DNAAF4: variants seen among roughly 807,000 people sequenced by gnomAD.
The protein encoded by DNAAF4 is dynein assembly factor 4, axonemal.
DNAAF4 carries 43 observed loss-of-function variants against 51.8 expected under a neutral mutation model. The ratio of observed to expected loss-of-function variants is 0.83; its 90% CI spans 0.65 to 1.07. DNAAF4 has a LOEUF of 1.07. Among genes scored for constraint, DNAAF4 ranks in the 50% least tolerant of loss-of-function variants. DNAAF4 has a pLI of 0.00. For missense variants in DNAAF4, 581 were observed against 493.0 expected (o/e 1.18, Z -1.69); for synonymous variants, 194 against 165.6 (o/e 1.17, Z -1.32).
At position 55,432,655 on chromosome 15, in the gene DNAAF4, C is replaced by T. The variant is rs77745826; in HGVS notation, c.1048-53G>A. ...GAAAGTTATAGTTTCTTAATTTAAA[C>T]AAGCAAAAGGCTGGGCATGGTGGCT... On this transcript the variant is annotated intron_variant, in intron 8 of 9. Coordinates refer to ENST00000321149, the MANE Select transcript of DNAAF4 (RefSeq NM_130810.4). 0.035 allele frequency: 52,722 copies of T among 1,505,776 alleles called. 977 individuals are homozygous for T. Among genetic ancestry groups the T allele is most frequent in the African/African-American group, 0.047 (3,364 of 71,554 alleles). 93.3% of individuals were successfully genotyped at this position (1,505,776 alleles called of 1,614,324 possible).
intron 3 of DNAAF4, among the ~76,000 whole-genome samples, chr15:55,494,169 G>A (rs1316757956): frequency 2.0e-5 from 3 of 148,636 alleles, no homozygotes; most frequent in Non-Finnish European, 3.0e-5. Flanking sequence ...AGCTGGGATT[G>A]CAGGTATGCG....
intron 5 of DNAAF4, among the ~76,000 whole-genome samples, chr15:55,453,643 C>G (rs1204613387): frequency 6.6e-6 from 1 of 150,898 alleles, no homozygotes; most frequent in Non-Finnish European, 1.5e-5. Context: ...CTCTGCCTCC[C>G]GGGTTCACGC....
chr15:55,449,332 A>T (rs2057894869), intron 6 of DNAAF4, among the ~76,000 whole-genome samples: 1 of 151,630 alleles, frequency 6.6e-6, no homozygotes. Flanking sequence ...ACAATTTTTC[A>T]AATCAAAGAT....
chr15:55,422,184 CAT>C (rs1275278763), intron 7 of DNAAF4, among the ~76,000 whole-genome samples: 1 of 151,830 alleles, frequency 6.6e-6, no homozygotes, highest in Non-Finnish European at 1.5e-5. Flanking sequence ...CGGGAAAAAA[CAT>C]AAAATAGAGT....
chr15:55,502,508 C>T (rs2058704772), intron 1 of DNAAF4, among the ~76,000 whole-genome samples: 1 of 152,048 alleles, frequency 6.6e-6, no homozygotes, highest in African/African-American at 2.4e-5. Context: ...AGAAGGTTCC[C>T]ATGTTATGTA....
chr15:55,450,512 A>G, intron 5 of DNAAF4, 145 bp from the exon 6 acceptor site: 1 of 970,060 alleles, frequency 1.0e-6, no homozygotes, highest in Non-Finnish European at 1.5e-6. Context: ...AGAATGCAAA[A>G]TTTAGCAATG....
chr15:55,438,786 C>CA (rs547749322), intron 7 of DNAAF4, among the ~76,000 whole-genome samples: 4,759 of 102,984 alleles, frequency 0.046, 132 homozygotes, highest in African/African-American at 0.1. Context: ...CACTATCTCA[C>CA]AAAAAAAAAA....
chr15:55,433,578 A>C (rs1473544611), intron 8 of DNAAF4, among the ~76,000 whole-genome samples: 1 of 140,460 alleles, frequency 7.1e-6, no homozygotes. Context: ...GTGAGCCGAA[A>C]TTGTGCCCCT....
chr15:55,464,532 G>C (rs370524566), intron 5 of DNAAF4, among the ~76,000 whole-genome samples: 2 of 152,192 alleles, frequency 1.3e-5, no homozygotes, highest in Non-Finnish European at 2.9e-5. Context: ...CAGAATGGAA[G>C]AAAATCTTCA....
At chr15:55,469,228 G>T (rs905714171) in intron 4 of DNAAF4, among the ~76,000 whole-genome samples, 1 of 151,726 alleles carries the variant, frequency 6.6e-6, no homozygotes, top group Non-Finnish European at 1.5e-5. Flanking sequence ...TACTTGGGAG[G>T]CAGAGGGAGG....
intron 3 of DNAAF4, 121 bp downstream of exon 3, chr15:55,497,591 C>T: frequency 1.7e-6 from 2 of 1,197,900 alleles, no homozygotes; most frequent in South Asian, 1.8e-5. Flanking sequence ...CAGAGCAAGA[C>T]TCTTAAAAAA....
At chr15:55,428,315 G>A (rs541797881), downstream of DNAAF4, among the ~76,000 whole-genome samples, 7 of 152,068 alleles carry the variant, frequency 4.6e-5, no homozygotes, top group South Asian at 1.0e-3. Context: ...CCGTCCCCAG[G>A]CAAGAAGGAG....
At chr15:55,462,929 G>A (rs1014299607) in intron 5 of DNAAF4, among the ~76,000 whole-genome samples, 3 of 152,184 alleles carry the variant, frequency 2.0e-5, no homozygotes, top group African/African-American at 2.4e-5. Context: ...CCAGCACTTC[G>A]GGAAGCCGAG....
intron 4 of DNAAF4, among the ~76,000 whole-genome samples, chr15:55,477,171 C>CAA (rs200427261): frequency 2.0e-4 from 28 of 140,590 alleles, no homozygotes; most frequent in African/African-American, 5.5e-4. Context: ...AACTCCAACT[C>CAA]AAAAAAAAAA....
chr15:55,482,237 A>T (rs2058421511), intron 4 of DNAAF4, among the ~76,000 whole-genome samples: 1 of 123,242 alleles, frequency 8.1e-6, no homozygotes, highest in Non-Finnish European at 1.8e-5. Context: ...AGATGTAAAA[A>T]AATTAGAATC....
chr15:55,434,000 T>A (rs1346076810), intron 8 of DNAAF4, among the ~76,000 whole-genome samples: 17 of 54,424 alleles, frequency 3.1e-4, no homozygotes, highest in African/African-American at 1.1e-3. Context: ...TATATAATAT[T>A]ATATATATTA....
At chr15:55,454,935 T>C (rs2057994655) in intron 5 of DNAAF4, among the ~76,000 whole-genome samples, 1 of 151,612 alleles carries the variant, frequency 6.6e-6, no homozygotes, top group African/African-American at 2.4e-5. Flanking sequence ...GGTGAGATCC[T>C]GTCTCAAAAA....
rs1263103685 is a variant in DNAAF4 at position 55,453,794 on chromosome 15, C to T, written c.638-3427G>A. On this transcript the variant is annotated intron_variant, in intron 5 of 9. Transcript: ENST00000321149. The stretch of plus-strand genomic sequence containing the variant: ...CTCCATCTCCTGACCTCGTGATCCA[C>T]CCACCTCGGCCCCCCAAAGTGCTGG... Among the ~76,000 whole-genome samples, 3 of 151,970 alleles carry T rather than the reference C, an allele frequency of 2.0e-5. No individual in the cohort carries two copies. The East Asian group carries it at 5.8e-4, about 30-fold the overall frequency.
chr15:55,443,375 G>A, intron 6 of DNAAF4: 1 of 672,248 alleles, frequency 1.5e-6, no homozygotes, highest in Non-Finnish European at 2.5e-6. Flanking sequence ...GGCCGTGCAG[G>A]CCGTGGGGCC....
Sources: gnomAD v4.1 joint callset for allele counts (sites outside exome capture counted in the v4.1 genomes callset) on GRCh38, gnomAD v4.1.1 for gene constraint, MANE v1.5 for transcripts, NCBI Gene and HGNC (gene_info 2026-07-23, HGNC 2026-07-21) for gene names.